EOGT: variants seen among roughly 807,000 people sequenced by gnomAD.
EOGT encodes the protein EGF domain-specific O-linked N-acetylglucosamine transferase.
In EOGT, 55 loss-of-function variants were observed where a neutral mutation model predicts 70.5. The ratio of observed to expected loss-of-function variants is 0.78; its 90% CI spans 0.63 to 0.98. The LOEUF (loss-of-function observed/expected upper bound fraction) is 0.98. Ranked by LOEUF, EOGT falls within the 50% of genes least tolerant of loss-of-function variation. The pLI is 0.00. For synonymous variants in EOGT, 246 were observed against 217.1 expected, an observed-to-expected ratio of 1.13 and a Z score of -1.17; for missense variants, 703 against 641.9, an observed-to-expected ratio of 1.10 and a Z score of -1.03.
At chr3:68,996,779 A>C (rs1157128883) in intron 10 of EOGT, among the ~76,000 whole-genome samples, 2 of 152,188 alleles carry the variant, frequency 1.3e-5, no homozygotes, top group African/African-American at 4.8e-5. Context: ...TCACACCAAG[A>C]GCCGAGCATA....
intron 14 of EOGT, among the ~76,000 whole-genome samples, chr3:68,983,426 C>A (rs2090709639): frequency 6.6e-6 from 1 of 152,204 alleles, no homozygotes; most frequent in South Asian, 2.1e-4. Context: ...TTCTAGCAAA[C>A]AGAAAGTAAC....
chr3:68,984,082 C>A (rs2090731528), intron 14 of EOGT, among the ~76,000 whole-genome samples: 2 of 152,200 alleles, frequency 1.3e-5, no homozygotes, highest in South Asian at 2.1e-4. Flanking sequence ...TCTCACAGCT[C>A]CCAAATGCAC....
rs767009449 is a variant in EOGT at position 69,007,768 on chromosome 3, C to G, written c.365G>C (p.Gly122Ala). The stretch of plus-strand genomic sequence containing the variant: ...CTCCTCCAGCCTCTCTCTGGCATAT[C>G]CAAAGTCAGCTTGTTTCCAAAATAT... ...EDIFWKQADF[G>A]YARERLEEMH... The change falls in exon 6 of 18, where the codon GGA (glycine) becomes GCA (alanine). Residue 122 changes from glycine (G) to alanine (A), a missense_variant. Transcript: ENST00000383701. 1.9e-6 allele frequency: 3 copies of G among 1,613,316 alleles called. No homozygotes were observed. The African/African-American group carries it at 4.0e-5, about 22-fold the overall frequency.
intron 10 of EOGT, among the ~76,000 whole-genome samples, chr3:68,991,062 T>G (rs187458423): frequency 6.6e-6 from 1 of 152,192 alleles, no homozygotes; most frequent in African/African-American, 2.4e-5. Context: ...GATAAAATAC[T>G]TCAGATAAAA....
chr3:68,990,511 C>T (rs985053687), intron 10 of EOGT, among the ~76,000 whole-genome samples: 3 of 152,122 alleles, frequency 2.0e-5, no homozygotes, highest in Admixed American at 1.3e-4. Flanking sequence ...CGCCACCACA[C>T]CCGGCTAATT....
At chr3:68,995,143 G>A (rs891417889) in intron 10 of EOGT, among the ~76,000 whole-genome samples, 3 of 152,142 alleles carry the variant, frequency 2.0e-5, no homozygotes, top group African/African-American at 7.2e-5. Flanking sequence ...GCTCATCCAA[G>A]ACCATCAGGA....
chr3:69,002,170 C>G (rs2091313058), intron 8 of EOGT, among the ~76,000 whole-genome samples: 1 of 152,140 alleles, frequency 6.6e-6, no homozygotes, highest in South Asian at 2.1e-4. Context: ...CCGAGGCTTA[C>G]AACAACCTGA....
chr3:68,979,842 T>A, intron 15 of EOGT, 55 bp from the exon 16 acceptor site: 2 of 1,554,508 alleles, frequency 1.3e-6, no homozygotes, highest in Non-Finnish European at 1.8e-6. Flanking sequence ...AAGTATTAGG[T>A]TGAGTTAGTT....
In EOGT at chr3:68,976,641, C is replaced by CGT. The variant is rs58263145; in HGVS notation, c.*975_*976dup. On this transcript the variant is annotated 3_prime_UTR_variant, in exon 18 of 18. Transcript: ENST00000383701. Reference sequence around the variant, plus strand: ...CTTGGTACTGAGAATCACAACTCTGCGTGTGTGTGTGTGTGTGTGTGTGTG... The same window carrying CGT: ...CTTGGTACTGAGAATCACAACTCTGCGTGTGTGTGTGTGTGTGTGTGTGTGTG... The CGT allele has an allele frequency of 5.6e-3, 808 of 144,388 alleles. 11 individuals are homozygous for CGT. Among genetic ancestry groups the CGT allele is most frequent in the South Asian group, 0.013 (57 of 4,380 alleles). 8.9% of individuals were successfully genotyped at this position (144,388 alleles called of 1,614,324 possible).
Position 69,008,420 on chromosome 3 carries a change from A to T in EOGT, c.311+8T>A, listed in dbSNP as rs1397062801. On this transcript the variant is annotated splice_region_variant and intron_variant, in intron 5 of 17. Transcript: ENST00000383701. ...GACTTGAAGAGGGTATTCCATATGGAAACTTACCATCCCATGTCGACATAG... is the reference window on the plus strand; with the variant it reads ...GACTTGAAGAGGGTATTCCATATGGTAACTTACCATCCCATGTCGACATAG... 2.5e-6 allele frequency: 4 copies of T among 1,602,408 alleles called. No individual in the cohort carries two copies. The highest frequency in any genetic ancestry group is 1.1e-5 in the South Asian group (1 of 90,832).
chr3:68,998,800 G>A (rs1235017799), intron 9 of EOGT, among the ~76,000 whole-genome samples: 1 of 137,558 alleles, frequency 7.3e-6, no homozygotes, highest in Non-Finnish European at 1.5e-5. Context: ...TCACACCACT[G>A]CACTCCAGTC....
rs373327668 is a variant in EOGT at position 69,004,724 on chromosome 3, AC to A, written c.516-243del. 3.9e-4 allele frequency among the ~76,000 whole-genome samples: 59 copies of A among 151,760 alleles called. 1 individual carries two copies. In the East Asian group the frequency reaches 7.9e-3, roughly 20 times the overall value. ...GCCTGTCTGAGTCATCCATCCCCCC[AC>A]CCATTCCCCAACCCCTCTGCCATAT... On this transcript the variant is annotated intron_variant, in intron 7 of 17. Transcript: ENST00000383701.
At chr3:68,997,258 C>T (rs1192286808) in intron 10 of EOGT, among the ~76,000 whole-genome samples, 1 of 152,110 alleles carries the variant, frequency 6.6e-6, no homozygotes, top group Non-Finnish European at 1.5e-5. Flanking sequence ...ACAAAGGACA[C>T]AGTAACAAGG....
intron 16 of EOGT, among the ~76,000 whole-genome samples, chr3:68,978,678 G>C (rs2090544241): frequency 6.8e-6 from 1 of 147,302 alleles, no homozygotes; most frequent in South Asian, 2.2e-4. Flanking sequence ...TATTCAATAG[G>C]GCCTGCTGCC....
rs757682888 is a variant in EOGT at position 68,996,006 on chromosome 3, C to T, written c.831+2005G>A. Among the ~76,000 whole-genome samples the T allele has an allele frequency of 1.1e-4, 16 of 152,212 alleles. No homozygotes were observed. In the South Asian group the frequency reaches 2.5e-3, roughly 24 times the overall value. The stretch of plus-strand genomic sequence containing the variant: ...ATTTAAAAATAGTTTTGTTTAAAAA[C>T]GGCAAAACAACCCTGAGTTAATAAT... On this transcript the variant is annotated intron_variant, in intron 10 of 17. Transcript: ENST00000383701.
intron 6 of EOGT, among the ~76,000 whole-genome samples, chr3:69,007,431 T>C (rs559668188): frequency 4.8e-5 from 7 of 147,030 alleles, no homozygotes; most frequent in Non-Finnish European, 7.4e-5. Flanking sequence ...GGTGGGTGGA[T>C]CCCTTGAGGT....
At position 69,009,411 on chromosome 3, in the gene EOGT, CTTAT is replaced by C. The variant is rs545445896; in HGVS notation, c.210+222_210+225del. 2.4e-3 allele frequency among the ~76,000 whole-genome samples: 368 copies of C among 152,248 alleles called. 2 individuals are homozygous for C. Among genetic ancestry groups the C allele is most frequent in the Non-Finnish European group, 3.3e-3 (223 of 68,014 alleles). On this transcript the variant is annotated intron_variant, in intron 4 of 17. Transcript: ENST00000383701. ...CAGAGTTTACAAATAGTATTGGCTA[CTTAT>C]TTGTTTTAGAAGTGATTTAGATTTT...
At chr3:69,008,586 G>C in intron 4 of EOGT, 58 bp from the exon 5 acceptor site, 1 of 1,235,676 alleles carries the variant, frequency 8.1e-7, no homozygotes, top group South Asian at 1.2e-5. Context: ...AAGACTCTTA[G>C]ATTTTTCCAT....
chr3:68,978,520 C>T, intron 16 of EOGT, 85 bp from the exon 17 acceptor site: 1 of 816,990 alleles, frequency 1.2e-6, no homozygotes. Context: ...AAATGCAGCT[C>T]CCAAATATGT....
Sources: gnomAD v4.1 joint callset for allele counts (sites outside exome capture counted in the v4.1 genomes callset) on GRCh38, gnomAD v4.1.1 for gene constraint, MANE v1.5 for transcripts, NCBI Gene and HGNC (gene_info 2026-07-23, HGNC 2026-07-21) for gene names.